TLCD4: variants seen among roughly 807,000 people sequenced by gnomAD.
The protein encoded by TLCD4 is TLC domain-containing protein 4.
In TLCD4, 7 loss-of-function variants were observed where a neutral mutation model predicts 24.2. That is an observed-to-expected ratio of 0.29 (90% CI 0.16 to 0.54). The LOEUF is 0.54. Among genes scored for constraint, TLCD4 ranks in the 20% least tolerant of loss-of-function variants. TLCD4 has a pLI of 0.95. For missense variants in TLCD4, 259 were observed against 313.9 expected, an observed-to-expected ratio of 0.82 and a Z score of 1.32; for synonymous variants, 103 against 106.4, an observed-to-expected ratio of 0.97 and a Z score of 0.20.
intron 6 of TLCD4, among the ~76,000 whole-genome samples, chr1:95,189,376 T>C (rs367972982): frequency 1.3e-5 from 2 of 152,336 alleles, no homozygotes; most frequent in African/African-American, 4.8e-5. Context: ...CTGTTTGCAT[T>C]GCATCCTGGT....
intron 1 of TLCD4, among the ~76,000 whole-genome samples, chr1:95,127,993 A>G (rs1676784736): frequency 6.6e-6 from 1 of 152,220 alleles, no homozygotes; most frequent in Admixed American, 6.5e-5. Flanking sequence ...AGTCCCAGAT[A>G]CTAGGGAGGC....
chr1:95,096,127 G>T, the TLCD4 span, among the ~76,000 whole-genome samples: 1 of 152,236 alleles, frequency 6.6e-6, no homozygotes, highest in African/African-American at 2.4e-5. Context: ...GTAGGTAACA[G>T]TTCAAGCAAT....
chr1:95,119,811 C>A (rs1207385028), intron 1 of TLCD4, among the ~76,000 whole-genome samples: 1 of 152,048 alleles, frequency 6.6e-6, no homozygotes, highest in Non-Finnish European at 1.5e-5. Flanking sequence ...GTGTCTCTCC[C>A]CACCCTTCTT....
chr1:95,121,292 T>C (rs1263493209), intron 1 of TLCD4: 1 of 152,132 alleles, frequency 6.6e-6, no homozygotes, highest in Non-Finnish European at 1.5e-5. Flanking sequence ...TCCACTTTCA[T>C]GGCCGGATAG....
Position 95,148,728 on chromosome 1 carries a change from TG to T in TLCD4, c.184del (p.Val62LeufsTer29), listed in dbSNP as rs1677414887. 2 of 1,613,748 alleles carry T rather than the reference TG, an allele frequency of 1.2e-6. No homozygotes were observed. Among genetic ancestry groups the T allele is most frequent in the Non-Finnish European group, 1.7e-6 (2 of 1,179,802 alleles). ...GTAGTATCCACATGCCATTCTTTGG[TG>T]GTTGGTATTTTTGGCCTGTACATTT... ...SRVVSTCHSLVVGIFGLYIFL... is the reference protein window; with the variant it reads ...SRVVSTCHSLXVGIFGLYIFL... On this transcript the variant is annotated frameshift_variant, in exon 3 of 7. Transcript: ENST00000370203. LOFTEE classifies it high-confidence loss of function.
the TLCD4 span, among the ~76,000 whole-genome samples, chr1:95,102,594 A>G: frequency 6.6e-6 from 1 of 152,202 alleles, no homozygotes; most frequent in Non-Finnish European, 1.5e-5. Flanking sequence ...TATAGGTCTG[A>G]AGCTCAAGAA....
intron 1 of TLCD4, among the ~76,000 whole-genome samples, chr1:95,124,995 A>G (rs139727394): frequency 1.3e-5 from 2 of 152,216 alleles, no homozygotes; most frequent in Non-Finnish European, 2.9e-5. Flanking sequence ...AAACTTGTTA[A>G]TAGGTTATAC....
intron 6 of TLCD4, among the ~76,000 whole-genome samples, chr1:95,188,148 G>T (rs1477024477): frequency 6.6e-6 from 1 of 152,144 alleles, no homozygotes; most frequent in African/African-American, 2.4e-5. Flanking sequence ...AGCACTTTGG[G>T]AGGCCGAGGC....
chr1:95,158,881 C>A (rs1260762311), intron 5 of TLCD4, among the ~76,000 whole-genome samples: 1 of 152,142 alleles, frequency 6.6e-6, no homozygotes, highest in Non-Finnish European at 1.5e-5. Flanking sequence ...TGTATATGTG[C>A]CACATTTTCT....
At chr1:95,172,001 A>C (rs938924319) in intron 5 of TLCD4, among the ~76,000 whole-genome samples, 1 of 152,164 alleles carries the variant, frequency 6.6e-6, no homozygotes, top group African/African-American at 2.4e-5. Flanking sequence ...TGCCACGTGG[A>C]GACTGGAGTT....
intron 1 of TLCD4, among the ~76,000 whole-genome samples, chr1:95,129,469 C>T (rs1467871104): frequency 1.3e-5 from 2 of 152,222 alleles, no homozygotes; most frequent in South Asian, 2.1e-4. Context: ...AGGCCAGGCG[C>T]GGTAGCTCAC....
At chr1:95,131,911 G>T (rs1258650460) in intron 1 of TLCD4, among the ~76,000 whole-genome samples, 3 of 152,168 alleles carry the variant, frequency 2.0e-5, no homozygotes, top group Admixed American at 1.3e-4. Flanking sequence ...CTCATGAGTG[G>T]CTTGGTGCCA....
chr1:95,159,203 A>G (rs1166742146), intron 5 of TLCD4, among the ~76,000 whole-genome samples: 2 of 152,158 alleles, frequency 1.3e-5, no homozygotes, highest in Admixed American at 6.5e-5. Context: ...CGCCATTCTA[A>G]CTGGTGTGAG....
chr1:95,172,750 T>C (rs1255218390), intron 5 of TLCD4, among the ~76,000 whole-genome samples: 1 of 152,196 alleles, frequency 6.6e-6, no homozygotes, highest in Non-Finnish European at 1.5e-5. Context: ...TTTTTAATGC[T>C]TCATATTGTT....
At chr1:95,154,592 GTC>G (rs1677582034) in intron 5 of TLCD4, among the ~76,000 whole-genome samples, 1 of 151,990 alleles carries the variant, frequency 6.6e-6, no homozygotes, top group African/African-American at 2.4e-5. Context: ...TTATTTGATG[GTC>G]TCTATCTTTG....
chr1:95,121,992 C>T (rs2100901184), intron 1 of TLCD4, among the ~76,000 whole-genome samples: 2 of 152,270 alleles, frequency 1.3e-5, no homozygotes, highest in South Asian at 4.1e-4. Flanking sequence ...AATCTGTAGG[C>T]TTTTGATTTC....
the TLCD4 span, among the ~76,000 whole-genome samples, chr1:95,099,606 T>G: frequency 6.6e-6 from 1 of 152,262 alleles, no homozygotes; most frequent in Non-Finnish European, 1.5e-5. Flanking sequence ...TTTAATATAC[T>G]TTGATTAATT....
chr1:95,102,164 T>A, the TLCD4 span, among the ~76,000 whole-genome samples: 1 of 152,116 alleles, frequency 6.6e-6, no homozygotes, highest in Non-Finnish European at 1.5e-5. Context: ...TCACAAGGAT[T>A]TGAGGACTCT....
the TLCD4 span, among the ~76,000 whole-genome samples, chr1:95,096,358 G>T: frequency 6.6e-6 from 1 of 152,150 alleles, no homozygotes; most frequent in Non-Finnish European, 1.5e-5. Flanking sequence ...GAGTAACTAT[G>T]ACCATCTGGC....
Sources: gnomAD v4.1 joint callset for allele counts (sites outside exome capture counted in the v4.1 genomes callset) on GRCh38, gnomAD v4.1.1 for gene constraint, MANE v1.5 for transcripts, NCBI Gene and HGNC (gene_info 2026-07-23, HGNC 2026-07-21) for gene names.